Variants in TTC7A observed in about 807,000 individuals in gnomAD.
The protein encoded by TTC7A is tetratricopeptide repeat protein 7A.
TTC7A carries 110 observed loss-of-function variants against 103.7 expected under a neutral mutation model. The observed-to-expected ratio is 1.06, with a 90% CI of 0.91 to 1.24. The LOEUF (loss-of-function observed/expected upper bound fraction) is 1.24. Among genes scored for constraint, TTC7A ranks in the 50% most tolerant of loss-of-function variants. The pLI is 0.00. For missense variants in TTC7A, 1,340 were observed against 1,116.3 expected (o/e 1.20, Z -2.86); for synonymous variants, 521 against 467.9 (o/e 1.11, Z -1.47).
upstream of TTC7A, among the ~76,000 whole-genome samples, chr2:46,940,180 C>T (rs1485100724): frequency 2.6e-5 from 4 of 152,096 alleles, no homozygotes; most frequent in Non-Finnish European, 5.9e-5. This position sits in a 1 kb window ranked among gnomAD's most constrained non-coding sequence, Gnocchi z 4.7. Flanking sequence ...CCCTCGGTTA[C>T]AGTTGTCCAA....
At chr2:47,010,599 C>T (rs1032359581) in intron 10 of TTC7A, among the ~76,000 whole-genome samples, 6 of 152,024 alleles carry the variant, frequency 3.9e-5, no homozygotes, top group African/African-American at 7.3e-5. Context: ...AGGTTCTCTC[C>T]GGCTCTGCCA....
At chr2:46,999,642 C>A in intron 8 of TTC7A, 1 of 985,470 alleles carries the variant, frequency 1.0e-6, no homozygotes, top group South Asian at 4.7e-5. Context: ...TGACCCCAGC[C>A]TGCTGAACCT....
upstream of TTC7A, among the ~76,000 whole-genome samples, chr2:46,937,687 C>T (rs114592091): frequency 4.9e-3 from 753 of 152,302 alleles, 6 homozygotes; most frequent in African/African-American, 0.017. This position sits in a 1 kb window ranked among gnomAD's most constrained non-coding sequence, Gnocchi z 4.0. Context: ...ATTCTCCCAC[C>T]TCCTTCTCCC....
rs201534336 is a variant in TTC7A, at chr2:46,974,963, C to T, written c.518-10C>T. The T allele has an allele frequency of 3.1e-6, 5 of 1,612,840 alleles. No homozygotes were observed. The South Asian group carries it at 5.5e-5, about 18-fold the overall frequency. ...CAGGACAGGTCTGAGGCACCCTCTT[C>T]CTCCCGCAGGCCTCTCTCTGGAACG... On this transcript the variant is annotated splice_polypyrimidine_tract_variant and intron_variant, in intron 3 of 19. Coordinates refer to ENST00000319190, the MANE Select transcript of TTC7A (RefSeq NM_020458.4).
chr2:47,011,246 T>G, intron 10 of TTC7A, 85 bp from the exon 11 acceptor site: 3 of 1,257,712 alleles, frequency 2.4e-6, no homozygotes, highest in Non-Finnish European at 2.3e-6. Context: ...GAGCAAGGCT[T>G]GGTTGTTTGG....
At chr2:46,987,817 T>TGTGTGTGG (rs1675185708) in intron 5 of TTC7A, among the ~76,000 whole-genome samples, 1 of 146,278 alleles carries the variant, frequency 6.8e-6, no homozygotes, top group African/African-American at 2.6e-5. Context: ...CGCGTGTGTG[T>TGTGTGTGG]GTGTGTGTGT....
At chr2:47,020,461 C>T (rs1043058126) in intron 11 of TTC7A, among the ~76,000 whole-genome samples, 4 of 152,214 alleles carry the variant, frequency 2.6e-5, no homozygotes, top group Non-Finnish European at 4.4e-5. Flanking sequence ...CCTGGGTTCT[C>T]GGGCCTATTG....
At chr2:46,979,614 G>A (rs973597544) in intron 5 of TTC7A, among the ~76,000 whole-genome samples, 3 of 152,152 alleles carry the variant, frequency 2.0e-5, no homozygotes, top group Non-Finnish European at 2.9e-5. Context: ...GTGTTAGGCC[G>A]GGAGTGGTTG....
chr2:46,989,806 GTGTGTGTGTGCATC>G (rs1675425743), intron 5 of TTC7A, among the ~76,000 whole-genome samples: 1 of 106,834 alleles, frequency 9.4e-6, no homozygotes, highest in East Asian at 2.5e-4. Flanking sequence ...TTGCGTGTGT[GTGTGTGTGTGCATC>G]TGTGTGTGTG....
intron 3 of TTC7A, among the ~76,000 whole-genome samples, chr2:46,961,385 G>A (rs1201754510): frequency 6.6e-6 from 1 of 151,930 alleles, no homozygotes; most frequent in African/African-American, 2.4e-5. Flanking sequence ...GACCATCCTG[G>A]CTAATGCAGG....
intron 3 of TTC7A, among the ~76,000 whole-genome samples, chr2:46,962,432 C>A (rs1291452787): frequency 6.6e-6 from 1 of 152,138 alleles, no homozygotes; most frequent in Non-Finnish European, 1.5e-5. Flanking sequence ...AGTTGTATCC[C>A]CCAAGGCTCC....
intron 11 of TTC7A, among the ~76,000 whole-genome samples, chr2:47,020,101 G>T (rs908591196): frequency 1.3e-5 from 2 of 151,800 alleles, no homozygotes; most frequent in African/African-American, 2.4e-5. Context: ...CAGCTCCTCC[G>T]CCAGGCCTAG....
upstream of TTC7A, among the ~76,000 whole-genome samples, chr2:46,939,025 A>T (rs1670119752): frequency 6.6e-6 from 1 of 151,534 alleles, no homozygotes; most frequent in Admixed American, 6.6e-5. Context: ...AAAAAAAAAA[A>T]AAGTACTTTG....
At chr2:47,026,523 T>C (rs988553506) in intron 14 of TTC7A, among the ~76,000 whole-genome samples, 1 of 151,934 alleles carries the variant, frequency 6.6e-6, no homozygotes, top group African/African-American at 2.4e-5. Flanking sequence ...GAAGGCTGGG[T>C]CTGAGGTTTG....
intron 5 of TTC7A, among the ~76,000 whole-genome samples, chr2:46,987,214 C>A (rs917413096): frequency 3.9e-5 from 6 of 152,340 alleles, no homozygotes; most frequent in Middle Eastern, 3.4e-3. Context: ...GTTGGAGCCT[C>A]GCCCCAGGCA....
chr2:46,918,584 C>A (rs182609548), intron 2 of TTC7A, among the ~76,000 whole-genome samples: 32 of 152,310 alleles, frequency 2.1e-4, no homozygotes, highest in Admixed American at 2.0e-3. Flanking sequence ...AAACAAGACA[C>A]TAAAATATGG....
In TTC7A at chr2:46,950,538, G is replaced by A. The variant is rs777847973; in HGVS notation, c.348+12G>A. 3.7e-5 allele frequency: 60 copies of A among 1,613,456 alleles called. No homozygotes were observed. In the East Asian group the frequency reaches 1.2e-3, roughly 33 times the overall value. On this transcript the variant is annotated intron_variant, in intron 2 of 19. Coordinates refer to ENST00000319190, the MANE Select transcript of TTC7A (RefSeq NM_020458.4). Reference sequence around the variant, plus strand: ...ATGGGAGGCTCTCGGTAAGTCGTCAGCCTTCAAGCCTGAGACCTCCTCTCC... The same window carrying A: ...ATGGGAGGCTCTCGGTAAGTCGTCAACCTTCAAGCCTGAGACCTCCTCTCC...
In TTC7A at chr2:46,978,853, C is replaced by A. The variant is rs1437751069; in HGVS notation, c.710C>A (p.Thr237Asn). 1.2e-6 allele frequency: 2 copies of A among 1,613,990 alleles called. No individual in the cohort carries two copies. Among genetic ancestry groups the A allele is most frequent in the African/African-American group, 2.7e-5 (2 of 74,926 alleles). Reference protein sequence around the residue: ...KGCHPLDYELTYFLEAALQSA... With the variant: ...KGCHPLDYELNYFLEAALQSA... ...TGTCACCCGCTTGACTATGAGCTCACCTACTTCCTGGAAGCTGCCCTCCAG... is the reference window on the plus strand; with the variant it reads ...TGTCACCCGCTTGACTATGAGCTCAACTACTTCCTGGAAGCTGCCCTCCAG... Residue 237 changes from threonine to asparagine, a missense_variant, in exon 5 of 20, where the codon ACC becomes AAC. Physicochemically the swap from Thr to Asn is moderately conservative, Grantham distance 65. Transcript: ENST00000319190.
chr2:47,044,156 T>C (rs1323224953), intron 15 of TTC7A, among the ~76,000 whole-genome samples: 1 of 152,096 alleles, frequency 6.6e-6, no homozygotes, highest in Non-Finnish European at 1.5e-5. Context: ...CGGAGCCTCT[T>C]CTCTCTCCCT....
Sources: gnomAD v4.1 joint callset for allele counts (sites outside exome capture counted in the v4.1 genomes callset) on GRCh38, gnomAD v4.1.1 for gene constraint, Gnocchi (gnomAD v3.1) non-coding constraint, MANE v1.5 for transcripts, NCBI Gene and HGNC (gene_info 2026-07-23, HGNC 2026-07-21) for gene names.